GUCY2C: variants seen among roughly 807,000 people sequenced by gnomAD.
GUCY2C encodes the protein guanylyl cyclase C.
A neutral mutation model predicts 131.1 loss-of-function variants in GUCY2C; 118 were observed. The ratio of observed to expected loss-of-function variants is 0.90; its 90% CI spans 0.78 to 1.05. The LOEUF is 1.05. Ranked by LOEUF, GUCY2C falls within the 50% of genes least tolerant of loss-of-function variation. The pLI is 0.00. For synonymous variants in GUCY2C, 452 were observed against 457.8 expected, an observed-to-expected ratio of 0.99 and a Z score of 0.16; for missense variants, 1,161 against 1,304.4, an observed-to-expected ratio of 0.89 and a Z score of 1.69.
chr12:14,690,708 A>AT (rs780417542), intron 1 of GUCY2C, among the ~76,000 whole-genome samples: 6 of 151,988 alleles, frequency 3.9e-5, no homozygotes, highest in African/African-American at 7.3e-5. Context: ...CACCCGGCTA[A>AT]TTTTTTGTAG....
chr12:14,664,694 TATG>T (rs778255821), intron 10 of GUCY2C, among the ~76,000 whole-genome samples: 73 of 152,302 alleles, frequency 4.8e-4, no homozygotes, highest in Non-Finnish European at 5.7e-4. Context: ...CTCAAGGTCA[TATG>T]ATATTACGGT....
At position 14,696,562 on chromosome 12, in the gene GUCY2C, T is replaced by G; in HGVS notation, c.-114A>C. 1.4e-6 allele frequency: 1 copy of G among 729,538 alleles called. No individual in the cohort carries two copies. The highest frequency in any genetic ancestry group is 1.7e-5 in the South Asian group (1 of 59,626). The allele number at this position is 729,538 out of a possible 1,614,324, so 45.2% of individuals were successfully genotyped here. A position where few individuals can be genotyped will look rare whatever the true frequency, so the allele number is the denominator to read the frequency against. ...CCTCTAGTGGAGTCCCTCAGCCCAC[T>G]CTTCCCCACGCTTCTCTCTGGTCAT... On this transcript the variant is annotated 5_prime_UTR_variant, in exon 1 of 27. Transcript: ENST00000261170.
At chr12:14,684,611 TCC>T (rs1565635540) in intron 3 of GUCY2C, among the ~76,000 whole-genome samples, 178 of 5,016 alleles carry the variant, frequency 0.035, no homozygotes, top group African/African-American at 0.057. Context: ...CTTCCTTCCT[TCC>T]TTCCTTCCTT....
At chr12:14,622,719 T>G (rs1452543921) in intron 21 of GUCY2C, among the ~76,000 whole-genome samples, 1 of 152,248 alleles carries the variant, frequency 6.6e-6, no homozygotes, top group Non-Finnish European at 1.5e-5. Context: ...ATATAAATTT[T>G]GATATATTCT....
chr12:14,620,896 T>C (rs1946882108), intron 23 of GUCY2C, 146 bp downstream of exon 23: 2 of 631,858 alleles, frequency 3.2e-6, no homozygotes, highest in Admixed American at 3.0e-5. Flanking sequence ...TCAGGATGCA[T>C]AGTGGGACCT....
intron 26 of GUCY2C, 179 bp downstream of exon 26, chr12:14,614,687 TC>T: frequency 1.9e-6 from 1 of 537,276 alleles, no homozygotes; most frequent in Non-Finnish European, 3.2e-6. Flanking sequence ...ATGCAGGGTT[TC>T]AGGATAATCC....
chr12:14,614,694 A>G (rs1946720302), intron 26 of GUCY2C, 173 bp downstream of exon 26: 1 of 550,762 alleles, frequency 1.8e-6, no homozygotes, highest in Admixed American at 4.2e-5. Context: ...GTTTCAGGAT[A>G]ATCCCCTTCT....
At chr12:14,647,930 A>G (rs1418293029) in intron 15 of GUCY2C, among the ~76,000 whole-genome samples, 2 of 142,832 alleles carry the variant, frequency 1.4e-5, no homozygotes, top group Non-Finnish European at 3.0e-5. Flanking sequence ...TAGGAAAACA[A>G]TCATATCATC....
chr12:14,693,471 TA>T (rs112108825), intron 1 of GUCY2C, among the ~76,000 whole-genome samples: 7 of 152,002 alleles, frequency 4.6e-5, no homozygotes, highest in Non-Finnish European at 5.9e-5. Context: ...TCCTGATTCC[TA>T]AAAAAAATAT....
At chr12:14,628,851 T>C in intron 19 of GUCY2C, 114 bp from the exon 20 acceptor site, 1 of 687,364 alleles carries the variant, frequency 1.5e-6, no homozygotes, top group Non-Finnish European at 2.6e-6. Flanking sequence ...TAAAAATATC[T>C]TCAACTCAGT....
chr12:14,696,285 T>G lies in GUCY2C; in HGVS notation c.164A>C (p.Glu55Ala), dbSNP rs929235200. 2 of 1,614,150 alleles carry G rather than the reference T, an allele frequency of 1.2e-6. No homozygotes were observed. The highest frequency in any genetic ancestry group is 1.7e-6 in the Non-Finnish European group (2 of 1,180,012). The change falls in exon 1 of 27, where the codon GAA (glutamate) becomes GCA (alanine). Residue 55 changes from glutamate to alanine, a missense_variant. By Grantham distance (107) the Glu-to-Ala change is moderately radical (BLOSUM62 -1). Coordinates refer to ENST00000261170, the MANE Select transcript of GUCY2C (RefSeq NM_004963.4). ...SAFAEPLKNLEDAVNEGLEIV... is the reference protein window; with the variant it reads ...SAFAEPLKNLADAVNEGLEIV... ...TTCCAGCCCCTCATTCACCGCATCT[T>G]CCAAGTTTTTCAGGGGCTCTGCAAA...
chr12:14,623,463 T>G (rs7310383), intron 21 of GUCY2C, among the ~76,000 whole-genome samples: 2,268 of 152,338 alleles, frequency 0.015, 70 homozygotes, highest in African/African-American at 0.052. Flanking sequence ...GATTCCTAGG[T>G]ACACGACTGG....
rs1948189422 is a variant in GUCY2C, at chr12:14,674,654, G to A, written c.1055C>T (p.Ala352Val). Residue 352 changes from alanine (A) to valine (V), a missense_variant, in exon 8 of 27, where the codon GCT (alanine) becomes GTT (valine). Coordinates refer to ENST00000261170, the MANE Select transcript of GUCY2C (RefSeq NM_004963.4). ...NGENITTPKF[A>V]HAFRNLTFEG... ...AAAAGTGAGATTCCTGAAAGCATGA[G>A]CAAATTTGGGGGTGGTAATATTTTC... 1 of 1,613,482 alleles carries A rather than the reference G, an allele frequency of 6.2e-7. No homozygotes were observed.
At chr12:14,654,745 G>T (rs1947729187) in intron 12 of GUCY2C, among the ~76,000 whole-genome samples, 1 of 152,150 alleles carries the variant, frequency 6.6e-6, no homozygotes, top group Non-Finnish European at 1.5e-5. Flanking sequence ...TGACACCAAG[G>T]CTGGACTTGT....
chr12:14,683,494 T>C (rs1948393497), intron 3 of GUCY2C, among the ~76,000 whole-genome samples: 1 of 152,198 alleles, frequency 6.6e-6, no homozygotes, highest in South Asian at 2.1e-4. Context: ...ATATGTGGCT[T>C]GGTTACTTCG....
At position 14,645,304 on chromosome 12, in the gene GUCY2C, A is replaced by G; in HGVS notation, c.1722T>C (p.Asn574=). Residue 574 remains asparagine, a synonymous_variant, in exon 16 of 27, where the codon AAT becomes AAC. Coordinates refer to ENST00000261170, the MANE Select transcript of GUCY2C (RefSeq NM_004963.4). ...TGCCATCAGGGTAGGAAATTGTGTCATTTAAAACTTCCTGAATAGGAAAAA... is the reference window on the plus strand; with the variant it reads ...TGCCATCAGGGTAGGAAATTGTGTCGTTTAAAACTTCCTGAATAGGAAAAA... ...CERGSLREVL[N]DTISYPDGTF... 1 of 1,564,420 alleles carries G rather than the reference A, an allele frequency of 6.4e-7. No homozygotes were observed. Among genetic ancestry groups the G allele is most frequent in the Non-Finnish European group, 8.8e-7 (1 of 1,135,794 alleles).
rs7956595 is a variant in GUCY2C, at chr12:14,628,735, C to T, written c.2160G>A (p.Val720=). Reference sequence around the variant, plus strand: ...CCCAACAGTTTTTTACAAGTAGGTACACCTGGAAGAAAAAAAAACGGGCAA... The same window carrying T: ...CCCAACAGTTTTTTACAAGTAGGTATACCTGGAAGAAAAAAAAACGGGCAA... The part of the protein sequence containing the change: ...LETAEEKELE[V]YLLVKNCWEE... Residue 720 remains valine, a splice_region_variant and synonymous_variant, in exon 20 of 27, where the codon GTG becomes GTA. Transcript: ENST00000261170. 2.7e-3 allele frequency: 4,071 copies of T among 1,523,724 alleles called. 102 individuals carry two copies. The African/African-American group carries it at 0.057, about 21-fold the overall frequency. 94.4% of individuals were successfully genotyped at this position (1,523,724 alleles called of 1,614,324 possible).
chr12:14,681,855 G>A (rs1439075573), intron 4 of GUCY2C, among the ~76,000 whole-genome samples: 1 of 152,162 alleles, frequency 6.6e-6, no homozygotes, highest in African/African-American at 2.4e-5. Flanking sequence ...CAGGAAGAGG[G>A]TTCTGCTCTG....
At chr12:14,644,101 C>G (rs1206576691) in intron 16 of GUCY2C, among the ~76,000 whole-genome samples, 1 of 152,076 alleles carries the variant, frequency 6.6e-6, no homozygotes, top group Non-Finnish European at 1.5e-5. Context: ...CTTGCTTTTC[C>G]AAAGGGGCAG....
Sources: allele counts gnomAD v4.1 joint callset (sites outside exome capture counted in the v4.1 genomes callset), GRCh38; gene constraint gnomAD v4.1.1; transcripts MANE v1.5; gene names NCBI Gene and HGNC (gene_info 2026-07-23, HGNC 2026-07-21).